CD247: variants seen among roughly 807,000 people sequenced by gnomAD.
CD247 encodes the protein T-cell surface glycoprotein CD3 zeta chain.
A neutral mutation model predicts 30.0 loss-of-function variants in CD247; 13 were observed. The ratio of observed to expected loss-of-function variants is 0.43; its 90% CI spans 0.28 to 0.69. The LOEUF (loss-of-function observed/expected upper bound fraction) is 0.69, where lower values mean the gene tolerates loss of function less well. Among genes scored for constraint, CD247 ranks in the 30% least tolerant of loss-of-function variants. The pLI, the probability that CD247 is intolerant of heterozygous loss-of-function variation, is 0.16. For synonymous variants in CD247, 72 were observed against 80.0 expected (o/e 0.90, Z 0.53); for missense variants, 193 against 212.6 (o/e 0.91, Z 0.57).
intron 1 of CD247, among the ~76,000 whole-genome samples, chr1:167,476,641 A>C (rs1027342896): frequency 6.6e-6 from 1 of 152,138 alleles, no homozygotes; most frequent in Non-Finnish European, 1.5e-5. Flanking sequence ...TGTGCAACAT[A>C]GTGAAACCCC....
At chr1:167,456,623 G>C (rs1164737334) in intron 1 of CD247, among the ~76,000 whole-genome samples, 1 of 152,144 alleles carries the variant, frequency 6.6e-6, no homozygotes, top group African/African-American at 2.4e-5. Flanking sequence ...CGTTCCCCCA[G>C]CTTCTCATGT....
chr1:167,477,935 C>G (rs949122359), intron 1 of CD247, among the ~76,000 whole-genome samples: 15 of 152,172 alleles, frequency 9.9e-5, no homozygotes, highest in African/African-American at 3.6e-4. Flanking sequence ...TGCTGCCAAT[C>G]CTGTGACCAG....
rs112734597 is a variant in CD247, at chr1:167,500,751, G to A, written c.58+17657C>T. Among the ~76,000 whole-genome samples, 687 of 152,290 alleles carry A rather than the reference G, an allele frequency of 4.5e-3. 7 individuals carry two copies. The highest frequency in any genetic ancestry group is 0.015 in the African/African-American group (623 of 41,560). ...AACAGCAAATGCTTTTATCGCTCAG[G>A]CAGCTCAATCACATTTGGTTTTCCA... On this transcript the variant is annotated intron_variant, in intron 1 of 7. Coordinates refer to ENST00000362089, the MANE Select transcript of CD247 (RefSeq NM_198053.3).
chr1:167,505,396 C>CT (rs1474579724), intron 1 of CD247, among the ~76,000 whole-genome samples: 51 of 152,330 alleles, frequency 3.3e-4, no homozygotes, highest in African/African-American at 1.1e-3. Flanking sequence ...TCTTTATAGA[C>CT]TAAAAGCACT....
chr1:167,470,860 ATTTC>A (rs1653485850), intron 1 of CD247, among the ~76,000 whole-genome samples: 2 of 143,564 alleles, frequency 1.4e-5, no homozygotes, highest in Admixed American at 6.9e-5. Context: ...TCCACTGATT[ATTTC>A]TTTCTTTCTT....
intron 1 of CD247, among the ~76,000 whole-genome samples, chr1:167,470,080 A>AT (rs1400588055): frequency 4.0e-5 from 6 of 151,896 alleles, no homozygotes; most frequent in Admixed American, 3.9e-4. Flanking sequence ...TGCCCAGCTA[A>AT]TTTTTGTATT....
At chr1:167,459,783 G>A (rs545316679) in intron 1 of CD247, 1 of 152,338 alleles carries the variant, frequency 6.6e-6, no homozygotes, top group East Asian at 1.9e-4. Flanking sequence ...CTGTTTTAAA[G>A]TAAGTTTATG....
intron 1 of CD247, among the ~76,000 whole-genome samples, chr1:167,444,094 T>A (rs927557344): frequency 4.6e-5 from 7 of 152,238 alleles, no homozygotes; most frequent in Non-Finnish European, 2.9e-5. Flanking sequence ...CACTTCCCTC[T>A]CTGGGCCTCA....
intron 1 of CD247, among the ~76,000 whole-genome samples, chr1:167,501,111 A>G (rs149105622): frequency 0.084 from 12,464 of 148,970 alleles, 597 homozygotes; most frequent in East Asian, 0.19. Flanking sequence ...CTGGAGTGCA[A>G]TGGCGCGATC....
At chr1:167,432,503 A>C (rs1437336305) in intron 7 of CD247, among the ~76,000 whole-genome samples, 1 of 152,228 alleles carries the variant, frequency 6.6e-6, no homozygotes, top group East Asian at 1.9e-4. Context: ...CATGTTTTAG[A>C]GAAGTAGTTT....
chr1:167,481,733 T>A (rs1286613723), intron 1 of CD247, among the ~76,000 whole-genome samples: 1 of 152,214 alleles, frequency 6.6e-6, no homozygotes, highest in Non-Finnish European at 1.5e-5. Flanking sequence ...ATGGCACCAC[T>A]GTCCCCATTT....
intron 1 of CD247, among the ~76,000 whole-genome samples, chr1:167,474,261 C>G (rs1454751526): frequency 6.6e-6 from 1 of 151,986 alleles, no homozygotes; most frequent in Non-Finnish European, 1.5e-5. Flanking sequence ...CTGCCTGAGA[C>G]TTTAAAGTCA....
chr1:167,434,489 C>G (rs758511997), intron 5 of CD247: 2 of 353,810 alleles, frequency 5.7e-6, no homozygotes, highest in South Asian at 2.2e-5. Context: ...ACAGGAGGGG[C>G]GGGGAGGCAT....
chr1:167,488,833 C>T (rs968062502), intron 1 of CD247, among the ~76,000 whole-genome samples: 2 of 152,152 alleles, frequency 1.3e-5, no homozygotes, highest in Non-Finnish European at 1.5e-5. Flanking sequence ...TTTTATGTCA[C>T]GTACGTGAGT....
At chr1:167,490,640 T>A (rs931234846) in intron 1 of CD247, among the ~76,000 whole-genome samples, 7 of 143,208 alleles carry the variant, frequency 4.9e-5, no homozygotes, top group South Asian at 2.2e-4. Flanking sequence ...GAAAAAAAAA[T>A]TATTTTTGAA....
chr1:167,506,533 T>C (rs1485987076), intron 1 of CD247, among the ~76,000 whole-genome samples: 8 of 151,870 alleles, frequency 5.3e-5, no homozygotes, highest in Non-Finnish European at 1.2e-4. Flanking sequence ...CTCTCTCTCT[T>C]TTTTATTTTT....
At chr1:167,501,981 G>A (rs1415333129) in intron 1 of CD247, among the ~76,000 whole-genome samples, 1 of 152,194 alleles carries the variant, frequency 6.6e-6, no homozygotes, top group African/African-American at 2.4e-5. Context: ...TTTTCTGAAG[G>A]GCAACCCCGG....
At chr1:167,463,570 C>T (rs1653117562) in intron 1 of CD247, among the ~76,000 whole-genome samples, 1 of 152,206 alleles carries the variant, frequency 6.6e-6, no homozygotes, top group Non-Finnish European at 1.5e-5. Flanking sequence ...ACTTGCATCT[C>T]CTTTCTCTTG....
At chr1:167,499,185 T>C (rs1654807779) in intron 1 of CD247, among the ~76,000 whole-genome samples, 1 of 152,188 alleles carries the variant, frequency 6.6e-6, no homozygotes, top group African/African-American at 2.4e-5. Context: ...TATTTTGAGT[T>C]GTCACAACTT....
Sources: gnomAD v4.1 joint callset for allele counts (sites outside exome capture counted in the v4.1 genomes callset) on GRCh38, gnomAD v4.1.1 for gene constraint, MANE v1.5 for transcripts, NCBI Gene and HGNC (gene_info 2026-07-23, HGNC 2026-07-21) for gene names.